SNX9: variants seen among roughly 807,000 people sequenced by gnomAD.
The protein encoded by SNX9 is sorting nexin-9.
In SNX9, 44 loss-of-function variants were observed where a neutral mutation model predicts 89.4. That is an observed-to-expected ratio of 0.49 (90% CI 0.39 to 0.63). SNX9 has a LOEUF of 0.63. Among genes scored for constraint, SNX9 ranks in the 30% least tolerant of loss-of-function variants. The pLI, the probability that SNX9 is intolerant of heterozygous loss-of-function variation, is 0.00. For missense variants in SNX9, 578 were observed against 736.1 expected, an observed-to-expected ratio of 0.79 and a Z score of 2.49; for synonymous variants, 236 against 247.8, an observed-to-expected ratio of 0.95 and a Z score of 0.45.
At chr6:157,829,419 A>G (rs1242519126) in intron 1 of SNX9, 1 of 152,218 alleles carries the variant, frequency 6.6e-6, no homozygotes, top group Non-Finnish European at 1.5e-5. Context: ...TATTCCCAGC[A>G]TACAGTCAGC....
chr6:157,906,358 G>A lies in SNX9; in HGVS notation c.705+146G>A, dbSNP rs1233648274. On this transcript the variant is annotated intron_variant, in intron 7 of 17. Coordinates refer to ENST00000392185, the MANE Select transcript of SNX9 (RefSeq NM_016224.5). ...ATAACTGATAATATATGTTAGTGTT[G>A]TAGGAGTACTGAAGATAATTAACAC... 8.2e-6 allele frequency: 5 copies of A among 606,510 alleles called. No individual in the cohort carries two copies. The South Asian group carries it at 1.0e-4, about 12-fold the overall frequency. 37.6% of individuals were successfully genotyped at this position (606,510 alleles called of 1,614,324 possible).
At chr6:157,942,710 G>T (rs1162978010) in intron 17 of SNX9, 81 bp from the exon 18 acceptor site, 2 of 1,426,258 alleles carry the variant, frequency 1.4e-6, no homozygotes, top group East Asian at 4.6e-5. Flanking sequence ...TGTTTAACTT[G>T]TTGGAGTTGT....
At chr6:157,930,733 T>C (rs6911530) in intron 12 of SNX9, among the ~76,000 whole-genome samples, 35,236 of 152,166 alleles carry the variant, frequency 0.23, 4,256 homozygotes, top group African/African-American at 0.28. Flanking sequence ...ACTGTCTATC[T>C]GTGGAAAAAT....
intron 1 of SNX9, among the ~76,000 whole-genome samples, chr6:157,860,004 G>A (rs937871826): frequency 6.6e-6 from 1 of 152,170 alleles, no homozygotes; most frequent in Non-Finnish European, 1.5e-5. Flanking sequence ...CCACTGGAAC[G>A]TGGCCATATC....
intron 5 of SNX9, among the ~76,000 whole-genome samples, chr6:157,897,364 C>T (rs1783001510): frequency 6.6e-6 from 1 of 152,184 alleles, no homozygotes; most frequent in Non-Finnish European, 1.5e-5. Context: ...TGAAGAGATG[C>T]ATAGGGCGAG....
chr6:157,912,574 C>T (rs1197826960), intron 9 of SNX9, among the ~76,000 whole-genome samples: 1 of 152,208 alleles, frequency 6.6e-6, no homozygotes, highest in Non-Finnish European at 1.5e-5. Context: ...TCTATTTCCC[C>T]CTCACTTGTG....
intron 7 of SNX9, 145 bp downstream of exon 7, chr6:157,906,357 T>C (rs1783215304): frequency 1.6e-6 from 1 of 612,672 alleles, no homozygotes; most frequent in Admixed American, 3.6e-5. Flanking sequence ...ATGTTAGTGT[T>C]GTAGGAGTAC....
At chr6:157,846,451 C>T (rs1781809564) in intron 1 of SNX9, among the ~76,000 whole-genome samples, 1 of 152,224 alleles carries the variant, frequency 6.6e-6, no homozygotes, top group South Asian at 2.1e-4. Flanking sequence ...CCAAGTATGG[C>T]TTAAAGCAGA....
chr6:157,823,461 G>T lies in SNX9; in HGVS notation c.12+15G>T. 8.3e-7 allele frequency: 1 copy of T among 1,205,528 alleles called. No individual in the cohort carries two copies. Among genetic ancestry groups the T allele is most frequent in the Middle Eastern group, 3.3e-4 (1 of 2,992 alleles). The allele number at this position is 1,205,528 out of a possible 1,614,324, so 74.7% of individuals were successfully genotyped here. On this transcript the variant is annotated intron_variant, in intron 1 of 17. Transcript: ENST00000392185. The surrounding 1 kb of genome is among the most constrained non-coding windows in gnomAD (Gnocchi z 4.6). ...TGGCCACCAAGGTGAGGGGCGCGCGGCGCAGGCCGGGCCGGTCGCTCAGGC... is the reference window on the plus strand; with the variant it reads ...TGGCCACCAAGGTGAGGGGCGCGCGTCGCAGGCCGGGCCGGTCGCTCAGGC...
chr6:157,932,691 C>T (rs1783836405), intron 13 of SNX9, among the ~76,000 whole-genome samples: 1 of 151,228 alleles, frequency 6.6e-6, no homozygotes, highest in African/African-American at 2.4e-5. Context: ...CATGGTGAGA[C>T]CCCCATCTCT....
At chr6:157,920,012 T>C (rs1016246612) in intron 9 of SNX9, among the ~76,000 whole-genome samples, 8 of 152,208 alleles carry the variant, frequency 5.3e-5, no homozygotes, top group African/African-American at 1.9e-4. Flanking sequence ...TTTGCTCCTG[T>C]GTCTGTGGAT....
chr6:157,930,969 TATG>T (rs1353553401), intron 12 of SNX9, among the ~76,000 whole-genome samples: 26 of 152,362 alleles, frequency 1.7e-4, no homozygotes, highest in Middle Eastern at 3.4e-3. Flanking sequence ...AATTTGGGAT[TATG>T]ATATCTTTTT....
In SNX9 at chr6:157,942,951, G is replaced by C; in HGVS notation, c.*113G>C. The C allele has an allele frequency of 1.7e-6, 2 of 1,164,258 alleles. No homozygotes were observed. Among genetic ancestry groups the C allele is most frequent in the Non-Finnish European group, 2.4e-6 (2 of 826,994 alleles). The allele number at this position is 1,164,258 out of a possible 1,614,324, so 72.1% of individuals were successfully genotyped here. On this transcript the variant is annotated 3_prime_UTR_variant, in exon 18 of 18. Transcript: ENST00000392185. ...AAAAAAAAGGAAACAAAACCAAAAA[G>C]AAAGAGTTGCAAAAAACTGCATTTA... is the stretch of plus-strand genomic sequence containing the variant.
chr6:157,921,561 G>A lies in SNX9; in HGVS notation c.980G>A (p.Arg327His), dbSNP rs770275405. ...GRFEEEFIKM[R>H]MERLQAWMTR... ...TTTGAAGAGGAATTTATCAAAATGC[G>A]CATGGAGAGACTTCAGGCCTGGATG... Residue 327 changes from arginine (R) to histidine (H), a missense_variant, in exon 10 of 18, where the codon CGC becomes CAC. Arg to His is a conservative substitution (Grantham distance 29, BLOSUM62 0). Transcript: ENST00000392185. 6.2e-7 allele frequency: 1 copy of A among 1,613,926 alleles called. No homozygotes were observed.
At chr6:157,828,310 C>CAAAAAAAAAAAAAAA (rs371428014) in intron 1 of SNX9, among the ~76,000 whole-genome samples, 13 of 151,994 alleles carry the variant, frequency 8.6e-5, no homozygotes, top group African/African-American at 2.7e-4. Context: ...AAAAATGTTG[C>CAAAAAAAAAAAAAAA]AGTTTTTCTA....
At chr6:157,917,311 CTT>C (rs1783492578) in intron 9 of SNX9, among the ~76,000 whole-genome samples, 1 of 151,728 alleles carries the variant, frequency 6.6e-6, no homozygotes, top group Non-Finnish European at 1.5e-5. Flanking sequence ...TGTTTCTGCT[CTT>C]TTATCATTTC....
chr6:157,868,508 A>G (rs1256739894), intron 2 of SNX9, among the ~76,000 whole-genome samples: 2 of 151,984 alleles, frequency 1.3e-5, no homozygotes, highest in Non-Finnish European at 2.9e-5. Flanking sequence ...AGACTATTGG[A>G]TTTCTGTTAT....
In SNX9 at chr6:157,901,878, T is replaced by C; in HGVS notation, c.473-20T>C. 6.4e-7 allele frequency: 1 copy of C among 1,572,770 alleles called. No individual in the cohort carries two copies. Among genetic ancestry groups the C allele is most frequent in the Non-Finnish European group, 8.6e-7 (1 of 1,165,364 alleles). ...TCTTTTTTTTTTTTTTAACTGATGA[T>C]CTTCCATTTTCACCTCTAGCAACTG... On this transcript the variant is annotated intron_variant, in intron 5 of 17. Transcript: ENST00000392185.
Position 157,938,675 on chromosome 6 carries a change from A to G in SNX9, c.1576A>G (p.Thr526Ala). The G allele has an allele frequency of 6.2e-7, 1 of 1,614,168 alleles. No individual in the cohort carries two copies. ...GAAAGAAAGTGACAAACTAGTTGCA[A>G]CAAGTAAAATCACCCTACAAGACAA... is the stretch of plus-strand genomic sequence containing the variant. ...KVKESDKLVATSKITLQDKQN... is the reference protein window; with the variant it reads ...KVKESDKLVAASKITLQDKQN... The change falls in exon 16 of 18, where the codon ACA (threonine) becomes GCA (alanine). Residue 526 changes from threonine (T) to alanine (A), a missense_variant. Around this residue, in one of 2 missense-constraint regions of SNX9, gnomAD observed 348 missense variants for 491.4 expected, o/e 0.71. Transcript: ENST00000392185.
Sources: gnomAD v4.1 joint callset for allele counts (sites outside exome capture counted in the v4.1 genomes callset) on GRCh38, gnomAD v4.1.1 for gene constraint, gnomAD v4.1.1 regional missense constraint, Gnocchi (gnomAD v3.1) non-coding constraint, MANE v1.5 for transcripts, NCBI Gene and HGNC (gene_info 2026-07-23, HGNC 2026-07-21) for gene names.